The following CSMD1 variants were observed in gnomAD, a reference collection of about 807,000 sequenced individuals.
The protein encoded by CSMD1 is CUB and Sushi multiple domains 1.
In CSMD1, 213 loss-of-function variants were observed where a neutral mutation model predicts 417.5. That is an observed-to-expected ratio of 0.51 (90% CI 0.46 to 0.57). The LOEUF (loss-of-function observed/expected upper bound fraction) is 0.57. Among genes scored for constraint, CSMD1 ranks in the 20% least tolerant of loss-of-function variants. The pLI is 0.00. For missense variants in CSMD1, 6,923 were observed against 4,529.7 expected, an observed-to-expected ratio of 1.53 and a Z score of -15.17; for synonymous variants, 2,862 against 1,736.8, an observed-to-expected ratio of 1.65 and a Z score of -16.11.
intron 1 of CSMD1, among the ~76,000 whole-genome samples, chr8:4,745,086 G>A (rs1003237438): frequency 3.3e-5 from 5 of 152,104 alleles, no homozygotes; most frequent in African/African-American, 1.2e-4. Context: ...AAAATCTCGA[G>A]AAATGCGTAA....
chr8:4,320,431 C>A (rs1456652005), intron 3 of CSMD1, among the ~76,000 whole-genome samples: 1 of 152,030 alleles, frequency 6.6e-6, no homozygotes, highest in Non-Finnish European at 1.5e-5. Context: ...CATAGGTAGA[C>A]ACGTGCCATG....
At position 3,700,812 on chromosome 8, in the gene CSMD1, T is replaced by C. The variant is rs542030935; in HGVS notation, c.1009+7602A>G. ...GCAAGGGTGGGAGCAAAGGAGTTCTTTGGGTCTTCATAAGGAATTTGGACT... is the reference window on the plus strand; with the variant it reads ...GCAAGGGTGGGAGCAAAGGAGTTCTCTGGGTCTTCATAAGGAATTTGGACT... On this transcript the variant is annotated intron_variant, in intron 7 of 69. Coordinates refer to ENST00000635120, the MANE Select transcript of CSMD1 (RefSeq NM_033225.6). Among the ~76,000 whole-genome samples, 3 of 152,126 alleles carry C rather than the reference T, an allele frequency of 2.0e-5. No homozygotes were observed. The East Asian group carries it at 5.8e-4, about 29-fold the overall frequency.
chr8:4,219,642 T>C (rs1046875311), intron 3 of CSMD1, among the ~76,000 whole-genome samples: 1 of 152,234 alleles, frequency 6.6e-6, no homozygotes, highest in African/African-American at 2.4e-5. Context: ...CAAATCTTTG[T>C]TCACTAATGA....
intron 12 of CSMD1, among the ~76,000 whole-genome samples, chr8:3,413,689 G>A (rs777782990): frequency 1.3e-5 from 2 of 152,142 alleles, no homozygotes; most frequent in African/African-American, 2.4e-5. Context: ...CCAAATTATG[G>A]TGACAAAATT....
intron 26 of CSMD1, among the ~76,000 whole-genome samples, chr8:3,254,122 C>G (rs1453957748): frequency 6.6e-6 from 1 of 152,082 alleles, no homozygotes; most frequent in African/African-American, 2.4e-5. Flanking sequence ...TTTATTTCTC[C>G]TTCACTTAGG....
At chr8:4,702,225 A>G (rs1807606296) in intron 1 of CSMD1, among the ~76,000 whole-genome samples, 1 of 152,196 alleles carries the variant, frequency 6.6e-6, no homozygotes, top group Non-Finnish European at 1.5e-5. Flanking sequence ...TTACCTTTGG[A>G]ACAAACCTGT....
At chr8:4,438,732 C>A (rs1190041535) in intron 2 of CSMD1, among the ~76,000 whole-genome samples, 4 of 152,194 alleles carry the variant, frequency 2.6e-5, no homozygotes, top group African/African-American at 9.7e-5. Context: ...CAGTTACCTG[C>A]AAATATTTGG....
intron 5 of CSMD1, among the ~76,000 whole-genome samples, chr8:3,889,562 T>G (rs951133904): frequency 3.8e-4 from 55 of 146,150 alleles, no homozygotes; most frequent in African/African-American, 1.4e-3. Flanking sequence ...TGTGTGTCTG[T>G]GTGTGTGTAT....
At chr8:4,033,630 G>C (rs1044764255) in intron 3 of CSMD1, among the ~76,000 whole-genome samples, 4 of 152,148 alleles carry the variant, frequency 2.6e-5, no homozygotes, top group Non-Finnish European at 5.9e-5. Context: ...CTTGTTCTCA[G>C]GACCTCCTGA....
intron 5 of CSMD1, among the ~76,000 whole-genome samples, chr8:3,834,331 C>T (rs558720366): frequency 6.6e-6 from 1 of 152,244 alleles, no homozygotes; most frequent in African/African-American, 2.4e-5. Flanking sequence ...GGCTTACTCA[C>T]TGCTTATAGG....
chr8:3,394,960 C>T (rs1811598146), intron 17 of CSMD1, among the ~76,000 whole-genome samples: 1 of 152,060 alleles, frequency 6.6e-6, no homozygotes, highest in African/African-American at 2.4e-5. Context: ...TTAAGATATA[C>T]ATGCATATGC....
chr8:3,118,069 G>T (rs1482586892), intron 42 of CSMD1, among the ~76,000 whole-genome samples: 1 of 152,122 alleles, frequency 6.6e-6, no homozygotes, highest in Non-Finnish European at 1.5e-5. Flanking sequence ...CCACTGTAAA[G>T]CTGAACGCTG....
chr8:4,944,160 T>A (rs987675793), intron 1 of CSMD1, among the ~76,000 whole-genome samples: 1 of 152,144 alleles, frequency 6.6e-6, no homozygotes, highest in Non-Finnish European at 1.5e-5. Flanking sequence ...GGAAGTCTCA[T>A]GAAAGAGAAA....
chr8:2,986,903 A>C (rs116475186), intron 54 of CSMD1, among the ~76,000 whole-genome samples: 1 of 152,032 alleles, frequency 6.6e-6, no homozygotes, highest in Non-Finnish European at 1.5e-5. Flanking sequence ...TTTTTACTAC[A>C]GCAATAGCAA....
intron 1 of CSMD1, among the ~76,000 whole-genome samples, chr8:4,662,788 G>A (rs755754055): frequency 6.6e-6 from 1 of 152,282 alleles, no homozygotes; most frequent in East Asian, 1.9e-4. Context: ...TTCCACCAGG[G>A]ATTCAAGCTC....
chr8:4,194,864 C>T (rs1161608383), intron 3 of CSMD1, among the ~76,000 whole-genome samples: 3 of 152,028 alleles, frequency 2.0e-5, no homozygotes, highest in Admixed American at 2.0e-4. Flanking sequence ...GTATTATACC[C>T]ATTTTCATTG....
rs756136721 is a variant in CSMD1 at position 3,110,315 on chromosome 8, T to C, written c.6451A>G (p.Thr2151Ala). Residue 2151 changes from threonine (T) to alanine (A), a missense_variant, in exon 43 of 70, where the codon ACT (threonine) becomes GCT (alanine). Coordinates refer to ENST00000635120, the MANE Select transcript of CSMD1 (RefSeq NM_033225.6). ...RCDAPCGYNV[T>A]SQNGTIYSPG... ...GAGTAGATGGTGCCGTTCTGAGAAGTTACGTTGTACCCACAAGGGGCTGCA... is the reference window on the plus strand; with the variant it reads ...GAGTAGATGGTGCCGTTCTGAGAAGCTACGTTGTACCCACAAGGGGCTGCA... 10 of 1,611,698 alleles carry C rather than the reference T, an allele frequency of 6.2e-6. No homozygotes were observed. Among genetic ancestry groups the C allele is most frequent in the Non-Finnish European group, 8.5e-6 (10 of 1,179,018 alleles).
At chr8:4,337,906 A>G (rs774275579) in intron 3 of CSMD1, among the ~76,000 whole-genome samples, 22 of 152,140 alleles carry the variant, frequency 1.4e-4, no homozygotes, top group Non-Finnish European at 2.6e-4. Context: ...AAATGACCCC[A>G]TCACTGAACA....
chr8:4,151,252 TAA>T (rs1432789763), intron 3 of CSMD1, among the ~76,000 whole-genome samples: 3 of 152,174 alleles, frequency 2.0e-5, no homozygotes, highest in Non-Finnish European at 4.4e-5. Context: ...CTTGGAAAGC[TAA>T]AATATTCAGA....
Sources: gnomAD v4.1 joint callset for allele counts (sites outside exome capture counted in the v4.1 genomes callset) on GRCh38, gnomAD v4.1.1 for gene constraint, MANE v1.5 for transcripts, NCBI Gene and HGNC (gene_info 2026-07-23, HGNC 2026-07-21) for gene names.